Variants in VTI1A observed in about 807,000 individuals in gnomAD.
VTI1A encodes vesicle transport through interaction with t-SNAREs homolog 1A.
In VTI1A, 22 loss-of-function variants were observed where a neutral mutation model predicts 34.9. The ratio of observed to expected loss-of-function variants is 0.63; its 90% CI spans 0.45 to 0.90. The LOEUF is 0.90. Among genes scored for constraint, VTI1A ranks in the 40% least tolerant of loss-of-function variants. VTI1A has a pLI of 0.00. For synonymous variants in VTI1A, 87 were observed against 97.3 expected, an observed-to-expected ratio of 0.89 and a Z score of 0.62; for missense variants, 268 against 275.6, an observed-to-expected ratio of 0.97 and a Z score of 0.20.
At chr10:112,697,639 G>T (rs1017531980) in intron 7 of VTI1A, among the ~76,000 whole-genome samples, 3 of 151,712 alleles carry the variant, frequency 2.0e-5, no homozygotes, top group Non-Finnish European at 2.9e-5. Context: ...CAGGTGATCC[G>T]CCCACCTCAG....
intron 7 of VTI1A, among the ~76,000 whole-genome samples, chr10:112,765,518 C>T (rs1851618683): frequency 6.6e-6 from 1 of 152,128 alleles, no homozygotes; most frequent in African/African-American, 2.4e-5. Context: ...TGTGTTTTTC[C>T]TTTTAAGCAT....
At chr10:112,495,756 G>T (rs79105741) in intron 3 of VTI1A, among the ~76,000 whole-genome samples, 5,870 of 152,164 alleles carry the variant, frequency 0.039, 171 homozygotes, top group Non-Finnish European at 0.057. Flanking sequence ...GAGAGTTCTC[G>T]ACCAAGCTCG....
chr10:112,826,344 C>T, the VTI1A span: 1 of 152,178 alleles, frequency 6.6e-6, no homozygotes, highest in Non-Finnish European at 1.5e-5. Flanking sequence ...ATTTCAGTCC[C>T]CTCATATAGG....
intron 5 of VTI1A, among the ~76,000 whole-genome samples, chr10:112,661,840 TCA>T (rs1847471238): frequency 6.8e-6 from 1 of 147,160 alleles, no homozygotes; most frequent in Admixed American, 6.9e-5. Context: ...CAATCTCGAC[TCA>T]CTGCAACCAC....
At chr10:112,594,412 C>A (rs1844536462) in intron 5 of VTI1A, among the ~76,000 whole-genome samples, 1 of 151,924 alleles carries the variant, frequency 6.6e-6, no homozygotes, top group Non-Finnish European at 1.5e-5. Context: ...TCTAGAAAAC[C>A]CCATTGTCTC....
Position 112,527,170 on chromosome 10 carries a change from ATGC to A in VTI1A, c.342+8_342+10del. ...GGAATTCCTCAGAGAACCAGGTAGA[ATGC>A]TAATCAGGAAGGCCCGGTGGGTGGC... On this transcript the variant is annotated splice_region_variant and intron_variant, in intron 4 of 7. Coordinates refer to ENST00000393077, the MANE Select transcript of VTI1A (RefSeq NM_145206.4). The A allele has an allele frequency of 1.2e-6, 2 of 1,612,908 alleles. No homozygotes were observed. Among genetic ancestry groups the A allele is most frequent in the Non-Finnish European group, 1.7e-6 (2 of 1,179,370 alleles).
At chr10:112,596,355 T>G (rs989759560) in intron 5 of VTI1A, among the ~76,000 whole-genome samples, 54 of 152,212 alleles carry the variant, frequency 3.5e-4, no homozygotes, top group African/African-American at 1.3e-3. Context: ...GTATGAAGAC[T>G]TTTTTATTTT....
chr10:112,465,743 G>A (rs894224536), intron 3 of VTI1A, among the ~76,000 whole-genome samples: 13 of 152,224 alleles, frequency 8.5e-5, no homozygotes, highest in Middle Eastern at 3.4e-3. Flanking sequence ...TGGGCAAAGA[G>A]TTTCAGTTTT....
the VTI1A span, among the ~76,000 whole-genome samples, chr10:112,844,534 G>T: frequency 6.6e-6 from 1 of 152,186 alleles, no homozygotes; most frequent in African/African-American, 2.4e-5. Flanking sequence ...GAGTAGCTGG[G>T]ATTACAGGTG....
chr10:112,571,981 A>G (rs977698921), intron 5 of VTI1A, among the ~76,000 whole-genome samples: 1 of 152,202 alleles, frequency 6.6e-6, no homozygotes, highest in Non-Finnish European at 1.5e-5. Flanking sequence ...GGAGACAACT[A>G]GAAGGGGGAG....
At chr10:112,848,992 C>T in the VTI1A span, among the ~76,000 whole-genome samples, 1 of 152,154 alleles carries the variant, frequency 6.6e-6, no homozygotes. Flanking sequence ...CATGCAGTTC[C>T]CAACATGCAC....
At chr10:112,843,697 G>A in the VTI1A span, among the ~76,000 whole-genome samples, 2 of 152,174 alleles carry the variant, frequency 1.3e-5, no homozygotes, top group South Asian at 2.1e-4. Context: ...TGAGGAAGCC[G>A]TGGGGGTCTC....
rs1487232532 is a variant in VTI1A at position 112,451,602 on chromosome 10, G to A, written c.94+4135G>A. On this transcript the variant is annotated intron_variant, in intron 1 of 7. Transcript: ENST00000393077. ...CAAGGGGGGCAGTCGGAGGAGAGAA[G>A]TGAAAGTGGTGTCGGACAAGGCAGG... Among the ~76,000 whole-genome samples the A allele has an allele frequency of 3.9e-5, 6 of 152,366 alleles. No homozygotes were observed. The East Asian group carries it at 9.6e-4, about 24-fold the overall frequency.
intron 5 of VTI1A, among the ~76,000 whole-genome samples, chr10:112,584,940 T>C (rs1055581868): frequency 1.3e-5 from 2 of 152,212 alleles, no homozygotes; most frequent in African/African-American, 4.8e-5. Flanking sequence ...TAGAATGTTA[T>C]TTGACAGGCT....
chr10:112,518,049 T>A (rs1338999399), intron 3 of VTI1A, among the ~76,000 whole-genome samples: 1 of 152,072 alleles, frequency 6.6e-6, no homozygotes, highest in Non-Finnish European at 1.5e-5. Flanking sequence ...TAAACAATCA[T>A]AAAATAAAAA....
chr10:112,520,672 T>G (rs1379356929), intron 3 of VTI1A, among the ~76,000 whole-genome samples: 1 of 143,994 alleles, frequency 6.9e-6, no homozygotes, highest in Non-Finnish European at 1.5e-5. Flanking sequence ...TATATATATA[T>G]AAAACCTCAT....
chr10:112,587,704 C>G (rs1220309955), intron 5 of VTI1A, among the ~76,000 whole-genome samples: 1 of 151,990 alleles, frequency 6.6e-6, no homozygotes, highest in African/African-American at 2.4e-5. Flanking sequence ...TGTACAGATA[C>G]AATTAGAACT....
chr10:112,805,226 C>T (rs1183200337), intron 7 of VTI1A, among the ~76,000 whole-genome samples: 2 of 152,092 alleles, frequency 1.3e-5, no homozygotes, highest in Non-Finnish European at 2.9e-5. Context: ...CTATATCCAG[C>T]CTTCCTCCTG....
At chr10:112,614,887 A>G (rs1255746385) in intron 5 of VTI1A, among the ~76,000 whole-genome samples, 1 of 152,212 alleles carries the variant, frequency 6.6e-6, no homozygotes, top group Non-Finnish European at 1.5e-5. Context: ...GAGAATAGGG[A>G]CACAAAATGT....
Sources: allele counts gnomAD v4.1 joint callset (sites outside exome capture counted in the v4.1 genomes callset), GRCh38; gene constraint gnomAD v4.1.1; transcripts MANE v1.5; gene names NCBI Gene and HGNC (gene_info 2026-07-23, HGNC 2026-07-21).